Variants in PRKN observed in about 807,000 individuals in gnomAD.
The protein encoded by PRKN is parkin RBR E3 ubiquitin protein ligase, also known as E3 ubiquitin-protein ligase parkin.
A neutral mutation model predicts 59.5 loss-of-function variants in PRKN; 56 were observed. The ratio of observed to expected loss-of-function variants is 0.94; its 90% confidence interval spans 0.76 to 1.18. The LOEUF is 1.18. Among genes scored for constraint, PRKN ranks in the 50% most tolerant of loss-of-function variants. The pLI, the probability that PRKN is intolerant of heterozygous loss-of-function variation, is 0.00. For missense variants in PRKN, 657 were observed against 596.4 expected, an observed-to-expected ratio of 1.10 and a Z score of -1.06; for synonymous variants, 250 against 222.1, an observed-to-expected ratio of 1.13 and a Z score of -1.12.
chr6:161,622,022 A>G (rs1291442258), intron 7 of PRKN, among the ~76,000 whole-genome samples: 11 of 152,078 alleles, frequency 7.2e-5, no homozygotes, highest in African/African-American at 2.7e-4. Context: ...CGCCTATCTC[A>G]GTATCTGCTG....
At chr6:162,321,969 C>G (rs138914235) in intron 2 of PRKN, among the ~76,000 whole-genome samples, 5 of 152,082 alleles carry the variant, frequency 3.3e-5, no homozygotes, top group African/African-American at 1.2e-4. Context: ...ACAACTTCCA[C>G]TCAACATTAT....
intron 7 of PRKN, among the ~76,000 whole-genome samples, chr6:161,598,285 G>A (rs1380187768): frequency 1.3e-5 from 2 of 152,218 alleles, no homozygotes; most frequent in East Asian, 1.9e-4. Flanking sequence ...ATGTATACAC[G>A]ACAAACTTGC....
chr6:161,425,334 C>G (rs1402415548), intron 9 of PRKN, among the ~76,000 whole-genome samples: 1 of 152,188 alleles, frequency 6.6e-6, no homozygotes, highest in African/African-American at 2.4e-5. Context: ...TGCCTTACAA[C>G]ACATCAAAAA....
chr6:162,430,881 G>A (rs1303415117), intron 2 of PRKN, among the ~76,000 whole-genome samples: 1 of 152,128 alleles, frequency 6.6e-6, no homozygotes, highest in Non-Finnish European at 1.5e-5. Flanking sequence ...CTGAGAAAGT[G>A]TTATGTACAA....
chr6:161,936,015 G>A (rs1038646980), intron 6 of PRKN, among the ~76,000 whole-genome samples: 14 of 152,144 alleles, frequency 9.2e-5, no homozygotes, highest in African/African-American at 3.4e-4. Flanking sequence ...GACAAAAGTG[G>A]AGCTTTCAAT....
intron 7 of PRKN, among the ~76,000 whole-genome samples, chr6:161,619,875 T>C (rs952828483): frequency 6.6e-6 from 1 of 152,148 alleles, no homozygotes; most frequent in African/African-American, 2.4e-5. Context: ...TATAATATTT[T>C]GGATGTATTA....
intron 2 of PRKN, among the ~76,000 whole-genome samples, chr6:162,263,096 C>T (rs1035438497): frequency 4.1e-4 from 63 of 151,946 alleles, no homozygotes; most frequent in African/African-American, 1.4e-3. Context: ...TTTTTTCCCC[C>T]CAAGACAGAG....
At chr6:162,264,572 C>G (rs984175234) in intron 2 of PRKN, among the ~76,000 whole-genome samples, 2 of 152,016 alleles carry the variant, frequency 1.3e-5, no homozygotes, top group Non-Finnish European at 1.5e-5. Flanking sequence ...TCCTTAAATC[C>G]CATTCCAACC....
chr6:161,558,058 A>C (rs1053683789), intron 8 of PRKN, among the ~76,000 whole-genome samples: 47 of 152,156 alleles, frequency 3.1e-4, no homozygotes, highest in African/African-American at 1.1e-3. Flanking sequence ...CAGTGAACCA[A>C]ACCACGGCAC....
chr6:162,184,121 T>G lies in PRKN; in HGVS notation c.534+17010A>C, dbSNP rs1783919956. 5.3e-5 allele frequency among the ~76,000 whole-genome samples: 8 copies of G among 152,372 alleles called. No individual in the cohort carries two copies. In the South Asian group the frequency reaches 1.7e-3, roughly 32 times the overall value. On this transcript the variant is annotated intron_variant, in intron 4 of 11. Transcript: ENST00000366898. ...TCATATGTGCCTAGTGGCTGACATA[T>G]TGGACAGTACAGCTCTGTATCAACT...
At chr6:162,575,086 T>C (rs145072009) in intron 1 of PRKN, among the ~76,000 whole-genome samples, 6 of 152,344 alleles carry the variant, frequency 3.9e-5, no homozygotes, top group Non-Finnish European at 5.9e-5. Context: ...GTGTTCTTGG[T>C]AATGGCTACT....
At chr6:162,475,342 C>T (rs1791950924) in intron 1 of PRKN, among the ~76,000 whole-genome samples, 2 of 152,054 alleles carry the variant, frequency 1.3e-5, no homozygotes. Flanking sequence ...CCAAAAGCCA[C>T]AAGAGAAAAG....
At chr6:162,311,684 G>T (rs746364757) in intron 2 of PRKN, among the ~76,000 whole-genome samples, 1 of 151,608 alleles carries the variant, frequency 6.6e-6, no homozygotes, top group Non-Finnish European at 1.5e-5. Flanking sequence ...GGGTTTCACC[G>T]TGTTGGCCAG....
chr6:162,523,395 G>A lies in PRKN; in HGVS notation c.8-79922C>T, dbSNP rs1263780921. Among the ~76,000 whole-genome samples the A allele has an allele frequency of 4.6e-5, 7 of 152,206 alleles. No homozygotes were observed. The South Asian group carries it at 6.2e-4, about 14-fold the overall frequency. The stretch of plus-strand genomic sequence containing the variant: ...AAACTCCATTGGGCTAGGTACAGTG[G>A]CTCATGCCTATAATCCCAGCTCTTT... On this transcript the variant is annotated intron_variant, in intron 1 of 11. Coordinates refer to ENST00000366898, the MANE Select transcript of PRKN (RefSeq NM_004562.3).
At chr6:162,060,138 T>A (rs1249693857) in intron 4 of PRKN, among the ~76,000 whole-genome samples, 2 of 152,234 alleles carry the variant, frequency 1.3e-5, no homozygotes, top group Non-Finnish European at 2.9e-5. Context: ...AAACTCATAC[T>A]GAAAAGTACT....
intron 3 of PRKN, among the ~76,000 whole-genome samples, chr6:162,202,498 T>C (rs1233681530): frequency 6.6e-6 from 1 of 152,210 alleles, no homozygotes; most frequent in Non-Finnish European, 1.5e-5. Context: ...CTATAAAGAT[T>C]AATATTTAGT....
rs75083230 is a variant in PRKN at position 161,584,026 on chromosome 6, C to T, written c.872-14610G>A. Among the ~76,000 whole-genome samples, 5,024 of 152,294 alleles carry T rather than the reference C, an allele frequency of 0.033. 78 individuals are homozygous for T. Among genetic ancestry groups the T allele is most frequent in the Non-Finnish European group, 0.039 (2,648 of 68,034 alleles). On this transcript the variant is annotated intron_variant, in intron 7 of 11. Coordinates refer to ENST00000366898, the MANE Select transcript of PRKN (RefSeq NM_004562.3). The surrounding 1 kb of genome is among the most constrained non-coding windows in gnomAD (Gnocchi z 4.8). ...CAGAATTTGTCTACAAACTTAACACCACCAATCACAGTGAGGCCAATGTCC... is the reference window on the plus strand; with the variant it reads ...CAGAATTTGTCTACAAACTTAACACTACCAATCACAGTGAGGCCAATGTCC...
intron 3 of PRKN, among the ~76,000 whole-genome samples, chr6:162,257,617 T>C (rs1350086297): frequency 2.6e-5 from 4 of 152,068 alleles, no homozygotes; most frequent in Non-Finnish European, 4.4e-5. Context: ...ATAAAGAGGA[T>C]ATGAACATGG....
intron 1 of PRKN, among the ~76,000 whole-genome samples, chr6:162,718,699 C>T (rs1025807515): frequency 1.3e-5 from 2 of 151,486 alleles, no homozygotes; most frequent in African/African-American, 2.4e-5. Flanking sequence ...GGCAACACAG[C>T]AAGACTCCGT....
Sources: gnomAD v4.1 joint callset for allele counts (sites outside exome capture counted in the v4.1 genomes callset) on GRCh38, gnomAD v4.1.1 for gene constraint, Gnocchi (gnomAD v3.1) non-coding constraint, MANE v1.5 for transcripts, NCBI Gene and HGNC (gene_info 2026-07-23, HGNC 2026-07-21) for gene names.